The following ITGAL variants were observed in gnomAD, a reference collection of about 807,000 sequenced individuals.
The protein encoded by ITGAL is integrin alpha-L.
ITGAL carries 68 observed loss-of-function variants against 138.4 expected under a neutral mutation model. The observed-to-expected ratio is 0.49, with a 90% CI of 0.40 to 0.60. ITGAL has a LOEUF of 0.60. Among genes scored for constraint, ITGAL ranks in the 20% least tolerant of loss-of-function variants. The probability of loss-of-function intolerance (pLI) is 0.00; values close to 1 mark genes in which losing one functional copy is unlikely to be tolerated. For synonymous variants in ITGAL, 561 were observed against 584.3 expected, an observed-to-expected ratio of 0.96 and a Z score of 0.57; for missense variants, 1,256 against 1,478.6, an observed-to-expected ratio of 0.85 and a Z score of 2.47.
Position 30,499,131 on chromosome 16 carries a change from A to G in ITGAL, c.1890A>G (p.Pro630=). ...TGTCCTTCTCTCCAGCTGAGATCCCAGTGCATGAAGTGGAGTGCTCCTATT... is the reference window on the plus strand; with the variant it reads ...TGTCCTTCTCTCCAGCTGAGATCCCGGTGCATGAAGTGGAGTGCTCCTATT... ...TLMSFSPAEI[P]VHEVECSYST... Residue 630 remains proline (P), a synonymous_variant, in exon 16 of 31, where the codon CCA becomes CCG. Transcript: ENST00000356798. The G allele has an allele frequency of 6.2e-7, 1 of 1,614,106 alleles. No homozygotes were observed. Among genetic ancestry groups the G allele is most frequent in the South Asian group, 1.1e-5 (1 of 91,078 alleles).
intron 26 of ITGAL, 34 bp from the exon 27 acceptor site, chr16:30,517,615 A>G: frequency 6.3e-7 from 1 of 1,591,922 alleles, no homozygotes; most frequent in Non-Finnish European, 8.6e-7. Context: ...TGGGTTGGGG[A>G]GGCTCTAACT....
In ITGAL at chr16:30,489,295, T is replaced by C. The variant is rs765112791; in HGVS notation, c.1122T>C (p.Ala374=). ...VVGAVGAKDW[A]GGFLDLKADL... is the part of the protein sequence containing the mutation. ...GGGCAGTAGGAGCCAAGGACTGGGC[T>C]GGGGGCTTTCTTGACCTGAAGGCAG... Residue 374 remains alanine (A), a synonymous_variant, in exon 11 of 31, where the codon GCT becomes GCC. Coordinates refer to ENST00000356798, the MANE Select transcript of ITGAL (RefSeq NM_002209.3). 1 of 1,613,830 alleles carries C rather than the reference T, an allele frequency of 6.2e-7. No individual in the cohort carries two copies. Among genetic ancestry groups the C allele is most frequent in the Non-Finnish European group, 8.5e-7 (1 of 1,179,712 alleles).
At chr16:30,517,234 T>C (rs1465071621) in intron 26 of ITGAL, 148 bp downstream of exon 26, 4 of 626,222 alleles carry the variant, frequency 6.4e-6, no homozygotes, top group Non-Finnish European at 1.1e-5. Context: ...GGAGAATCCA[T>C]TGAGGCCAGG....
chr16:30,475,281 T>G lies in ITGAL; in HGVS notation c.165-25T>G, dbSNP rs765629454. Reference sequence around the variant, plus strand: ...ATGGGTACAGATCTGGGCCACTCCCTCTCACAGGTGAGATTTCTCACCAGG... The same window carrying G: ...ATGGGTACAGATCTGGGCCACTCCCGCTCACAGGTGAGATTTCTCACCAGG... On this transcript the variant is annotated intron_variant, in intron 2 of 30. Transcript: ENST00000356798. 12 of 1,574,484 alleles carry G rather than the reference T, an allele frequency of 7.6e-6. No homozygotes were observed. In the South Asian group the frequency reaches 1.1e-4, roughly 15 times the overall value.
intron 2 of ITGAL, 149 bp downstream of exon 2, chr16:30,474,447 T>A (rs1176289554): frequency 1.6e-6 from 1 of 618,302 alleles, no homozygotes. Context: ...GTGGTGGGAA[T>A]CCTCAGAGAC....
intron 9 of ITGAL, among the ~76,000 whole-genome samples, chr16:30,487,017 C>G (rs547563362): frequency 6.6e-6 from 1 of 151,920 alleles, no homozygotes; most frequent in African/African-American, 2.4e-5. Flanking sequence ...GTGGCGGGCG[C>G]CTGTAGTCCC....
Position 30,521,558 on chromosome 16 carries a change from C to A in ITGAL, c.3406C>A (p.Pro1136Thr). 6.2e-7 allele frequency: 1 copy of A among 1,614,136 alleles called. No homozygotes were observed. The highest frequency in any genetic ancestry group is 8.5e-7 in the Non-Finnish European group (1 of 1,180,016). The stretch of plus-strand genomic sequence containing the variant: ...TGGCAGAGGTGTCCCGAATGGAATC[C>A]CTGCAGAAGACTCTGAGCAGCTGGC... ...EAGRGVPNGIPAEDSEQLASG... is the reference protein window; with the variant it reads ...EAGRGVPNGITAEDSEQLASG... The change falls in exon 31 of 31, where the codon CCT becomes ACT. Residue 1136 changes from proline (P) to threonine (T), a missense_variant. This residue lies in a region of ITGAL where 867 missense variants were observed against 972.5 expected (regional missense o/e 0.89). Coordinates refer to ENST00000356798, the MANE Select transcript of ITGAL (RefSeq NM_002209.3).
chr16:30,498,543 T>G (rs1291018702), intron 15 of ITGAL, among the ~76,000 whole-genome samples: 1 of 152,172 alleles, frequency 6.6e-6, no homozygotes, highest in Non-Finnish European at 1.5e-5. Context: ...CCTAAGAGCT[T>G]TCTCTTCTTC....
chr16:30,508,618 C>A (rs1449394502), intron 21 of ITGAL, among the ~76,000 whole-genome samples: 1 of 152,162 alleles, frequency 6.6e-6, no homozygotes, highest in African/African-American at 2.4e-5. Flanking sequence ...TGCTTAAGCC[C>A]GAGAGTTCGA....
intron 9 of ITGAL, among the ~76,000 whole-genome samples, chr16:30,487,690 G>A (rs530717162): frequency 3.7e-4 from 55 of 149,552 alleles, no homozygotes; most frequent in Middle Eastern, 3.6e-3. Context: ...AGGATTACAG[G>A]TGTGAGCCAC....
intron 11 of ITGAL, among the ~76,000 whole-genome samples, chr16:30,493,810 TGAACC>T (rs2050760361): frequency 6.6e-6 from 1 of 152,120 alleles, no homozygotes; most frequent in South Asian, 2.1e-4. Flanking sequence ...GAGAATTGCT[TGAACC>T]CGGGAGGCGG....
In ITGAL at chr16:30,494,763, T is replaced by C; in HGVS notation, c.1416T>C (p.Asp472=). ...TGTGTGGCGTCGACGTGGACCAAGA[T>C]GGGGAGACAGAGCTGCTGCTGATTG... ...GELCGVDVDQ[D]GETELLLIGA... Residue 472 remains aspartate, a synonymous_variant, in exon 13 of 31, where the codon GAT becomes GAC. Coordinates refer to ENST00000356798, the MANE Select transcript of ITGAL (RefSeq NM_002209.3). This position sits in a 1 kb window ranked among gnomAD's most constrained non-coding sequence, Gnocchi z 4.2. 6.2e-7 allele frequency: 1 copy of C among 1,613,388 alleles called. No individual in the cohort carries two copies. Among genetic ancestry groups the C allele is most frequent in the Non-Finnish European group, 8.5e-7 (1 of 1,179,570 alleles).
Position 30,474,158 on chromosome 16 carries a change from G to T in ITGAL, c.62-38G>T, listed in dbSNP as rs761681629. 4.4e-5 allele frequency: 64 copies of T among 1,459,890 alleles called. No individual in the cohort carries two copies. The African/African-American group carries it at 7.7e-4, about 18-fold the overall frequency. 90.4% of individuals were successfully genotyped at this position (1,459,890 alleles called of 1,614,324 possible). The stretch of plus-strand genomic sequence containing the variant: ...CTGCTGGGCACGTGCAGGGGCGGGG[G>T]TCCCTCGGTCGCAGCTGACGACCCT... On this transcript the variant is annotated intron_variant, in intron 1 of 30. Coordinates refer to ENST00000356798, the MANE Select transcript of ITGAL (RefSeq NM_002209.3).
At chr16:30,508,295 C>A (rs1484368119) in intron 21 of ITGAL, among the ~76,000 whole-genome samples, 7 of 147,540 alleles carry the variant, frequency 4.7e-5, no homozygotes, top group Non-Finnish European at 8.9e-5. Context: ...CTCACTGCAA[C>A]CTCCGCCTCC....
At chr16:30,514,527 G>C (rs947641695) in intron 25 of ITGAL, among the ~76,000 whole-genome samples, 1 of 16,656 alleles carries the variant, frequency 6.0e-5, no homozygotes, top group Admixed American at 3.5e-4. Flanking sequence ...TTCCCCCCTC[G>C]TGGCCTCTCA....
At chr16:30,500,436 C>A (rs1033602936) in intron 17 of ITGAL, among the ~76,000 whole-genome samples, 2 of 152,004 alleles carry the variant, frequency 1.3e-5, no homozygotes, top group Non-Finnish European at 2.9e-5. Context: ...CCAGGCTGGA[C>A]TCTAACTTCT....
chr16:30,474,556 A>G (rs2050441066), intron 2 of ITGAL: 3 of 493,200 alleles, frequency 6.1e-6, no homozygotes, highest in South Asian at 2.3e-5. Flanking sequence ...CGCATTGCCC[A>G]GTAGGTTCCT....
chr16:30,489,244 C>T lies in ITGAL; in HGVS notation c.1081-10C>T, dbSNP rs2050690570. 3 of 1,614,050 alleles carry T rather than the reference C, an allele frequency of 1.9e-6. No individual in the cohort carries two copies. Among genetic ancestry groups the T allele is most frequent in the Non-Finnish European group, 2.5e-6 (3 of 1,179,942 alleles). ...GGGTAGCTGACCCGCTCATCTCCTT[C>T]CCTGGGCAGGGCCATGCAGTCGTGG... On this transcript the variant is annotated splice_polypyrimidine_tract_variant and intron_variant, in intron 10 of 30. Transcript: ENST00000356798.
chr16:30,481,552 G>A lies in ITGAL; in HGVS notation c.690G>A (p.Leu230=). The A allele has an allele frequency of 6.2e-7, 1 of 1,613,668 alleles. No homozygotes were observed. Among genetic ancestry groups the A allele is most frequent in the Non-Finnish European group, 8.5e-7 (1 of 1,179,886 alleles). Residue 230 remains leucine (L), a synonymous_variant, in exon 7 of 31, where the codon TTG becomes TTA. Transcript: ENST00000356798. ...AGCATGTAAAGCACATGTTGCTGTTGACCAATACCTTTGGTGCCATCAATT... is the reference window on the plus strand; with the variant it reads ...AGCATGTAAAGCACATGTTGCTGTTAACCAATACCTTTGGTGCCATCAATT... ...LLKHVKHMLL[L]TNTFGAINYV... is the part of the protein sequence containing the mutation.
Sources: allele counts gnomAD v4.1 joint callset (sites outside exome capture counted in the v4.1 genomes callset), GRCh38; gene constraint gnomAD v4.1.1; regional missense constraint gnomAD v4.1.1; non-coding constraint Gnocchi (gnomAD v3.1); transcripts MANE v1.5; gene names NCBI Gene and HGNC (gene_info 2026-07-23, HGNC 2026-07-21).